The following NLRP13 variants were observed in gnomAD, a reference collection of about 807,000 sequenced individuals.
The protein encoded by NLRP13 is NLR family pyrin domain containing 13, also known as NACHT, LRR and PYD domains-containing protein 13.
A neutral mutation model predicts 94.4 loss-of-function variants in NLRP13; 82 were observed. The ratio of observed to expected loss-of-function variants is 0.87; its 90% CI spans 0.73 to 1.04. The LOEUF (loss-of-function observed/expected upper bound fraction) is 1.04. Among genes scored for constraint, NLRP13 ranks in the 50% least tolerant of loss-of-function variants. NLRP13 has a pLI of 0.00. For missense variants in NLRP13, 1,426 were observed against 1,230.8 expected (o/e 1.16, Z -2.37); for synonymous variants, 553 against 464.7 (o/e 1.19, Z -2.45).
intron 4 of NLRP13, among the ~76,000 whole-genome samples, chr19:55,916,120 A>G (rs1986667858): frequency 6.6e-6 from 1 of 152,198 alleles, no homozygotes; most frequent in African/African-American, 2.4e-5. Flanking sequence ...AATACTGTCT[A>G]TAACCAAGGA....
intron 7 of NLRP13, among the ~76,000 whole-genome samples, chr19:55,907,085 A>C (rs1986375538): frequency 6.6e-6 from 1 of 151,998 alleles, no homozygotes; most frequent in Non-Finnish European, 1.5e-5. Context: ...CAACCTCCTG[A>C]GTAGCTGAGA....
At chr19:55,930,874 T>TTTTATATATATATATATATATATA (rs55900335) in intron 1 of NLRP13, among the ~76,000 whole-genome samples, 38 of 70,176 alleles carry the variant, frequency 5.4e-4, no homozygotes, top group African/African-American at 2.7e-3. Context: ...GAATCAGTGA[T>TTTTATATATATATATATATATATA]TATATATATA....
intron 4 of NLRP13, among the ~76,000 whole-genome samples, chr19:55,916,843 A>T (rs1470152560): frequency 1.3e-5 from 2 of 152,176 alleles, no homozygotes; most frequent in Non-Finnish European, 2.9e-5. Flanking sequence ...AGATCCAGGC[A>T]TCCAAATATA....
rs568067621 is a variant in NLRP13, at chr19:55,898,077, C to T, written c.2957+693G>A. Among the ~76,000 whole-genome samples the T allele has an allele frequency of 3.3e-5, 5 of 152,306 alleles. No individual in the cohort carries two copies. In the East Asian group the frequency reaches 9.6e-4, roughly 29 times the overall value. ...CTCCCCTCAACTTCCCAGCACCTGG[C>T]ACCCACCATGGGCAGATTGGGAGAG... On this transcript the variant is annotated intron_variant, in intron 10 of 10. Transcript: ENST00000342929.
At chr19:55,928,105 C>T (rs1445129336) in intron 1 of NLRP13, among the ~76,000 whole-genome samples, 1 of 152,160 alleles carries the variant, frequency 6.6e-6, no homozygotes, top group Non-Finnish European at 1.5e-5. Flanking sequence ...GGATGTGGCC[C>T]AGGGCTTTCT....
intron 4 of NLRP13, among the ~76,000 whole-genome samples, chr19:55,918,343 G>A (rs1454658691): frequency 2.1e-5 from 3 of 144,680 alleles, no homozygotes; most frequent in Non-Finnish European, 3.0e-5. Context: ...CAAGGAAAAA[G>A]AATAAGAACA....
chr19:55,923,652 C>T (rs1056974931), intron 4 of NLRP13, among the ~76,000 whole-genome samples: 11 of 152,186 alleles, frequency 7.2e-5, no homozygotes, highest in African/African-American at 2.7e-4. Flanking sequence ...TATCTGTGGG[C>T]AGCCCAGTCC....
chr19:55,892,326 T>TC (rs1568683191), downstream of NLRP13, among the ~76,000 whole-genome samples: 1 of 152,112 alleles, frequency 6.6e-6, no homozygotes, highest in Admixed American at 6.6e-5. Flanking sequence ...CCTACTCTCC[T>TC]CCTCCTAGTA....
At chr19:55,918,158 C>T (rs1345354856) in intron 4 of NLRP13, among the ~76,000 whole-genome samples, 2 of 150,878 alleles carry the variant, frequency 1.3e-5, no homozygotes, top group Non-Finnish European at 3.0e-5. Context: ...TGCTCCTAAA[C>T]AATCTTTAGG....
Position 55,913,142 on chromosome 19 carries a change from T to C in NLRP13, c.675A>G (p.Arg225=). The change falls in exon 5 of 11, where the codon AGA becomes AGG. Residue 225 remains arginine, a synonymous_variant. Coordinates refer to ENST00000342929, the MANE Select transcript of NLRP13 (RefSeq NM_176810.2). ...LQRLLDPNRT[R]AQAQTIVLVG... is the part of the protein sequence containing the mutation. ...CCAAGACTATCGTCTGGGCCTGGGC[T>C]CTAGTCCTATTAGGATCCAGTAGGC... The C allele has an allele frequency of 6.2e-7, 1 of 1,614,168 alleles. No individual in the cohort carries two copies. The highest frequency in any genetic ancestry group is 8.5e-7 in the Non-Finnish European group (1 of 1,180,030).
intron 6 of NLRP13, among the ~76,000 whole-genome samples, chr19:55,908,760 T>C (rs374110970): frequency 4.6e-5 from 7 of 152,140 alleles, no homozygotes; most frequent in African/African-American, 1.7e-4. Context: ...CACTGGGGCC[T>C]GTTGGAAGGT....
chr19:55,902,277 C>CAT, intron 8 of NLRP13, 72 bp from the exon 9 acceptor site: 2 of 1,291,850 alleles, frequency 1.5e-6, no homozygotes, highest in South Asian at 1.6e-5. Context: ...AACAGAGCCT[C>CAT]AGGGCCCCCT....
In NLRP13 at chr19:55,911,825, A is replaced by G. The variant is rs1324739833; in HGVS notation, c.1992T>C (p.Asn664=). 2 of 1,614,188 alleles carry G rather than the reference A, an allele frequency of 1.2e-6. No homozygotes were observed. The highest frequency in any genetic ancestry group is 3.3e-5 in the Admixed American group (2 of 60,026). Reference sequence around the variant, plus strand: ...CTTGGAGTTCTTCGTCCTCCAAAATATTAAGGTCAACTTCAAAGATACGAC... The same window carrying G: ...CTTGGAGTTCTTCGTCCTCCAAAATGTTAAGGTCAACTTCAAAGATACGAC... ...MLGRIFEVDL[N]ILEDEELQAS... The change falls in exon 5 of 11, where the codon AAT becomes AAC. Residue 664 remains asparagine (N), a synonymous_variant. Coordinates refer to ENST00000342929, the MANE Select transcript of NLRP13 (RefSeq NM_176810.2).
Position 55,912,059 on chromosome 19 carries a change from C to T in NLRP13, c.1758G>A (p.Leu586=), listed in dbSNP as rs781342654. ...TTTTATTTAAAAGACCAAAGAAGAA[C>T]AGAACCACTGGAGTCCAGTAGGCTT... ...DKEAYWTPVV[L]FFFGLLNKNI... Residue 586 remains leucine, a synonymous_variant, in exon 5 of 11, where the codon CTG becomes CTA. Transcript: ENST00000342929. The T allele has an allele frequency of 2.6e-5, 42 of 1,614,070 alleles. No homozygotes were observed. The South Asian group carries it at 4.4e-4, about 17-fold the overall frequency.
chr19:55,922,536 C>A (rs1986857169), intron 4 of NLRP13, among the ~76,000 whole-genome samples: 2 of 152,106 alleles, frequency 1.3e-5, no homozygotes, highest in Non-Finnish European at 2.9e-5. Context: ...CCATGTTGGC[C>A]AGGATGGTCT....
At chr19:55,896,197 G>C in intron 10 of NLRP13, 78 bp from the exon 11 acceptor site, 4 of 1,491,056 alleles carry the variant, frequency 2.7e-6, no homozygotes, top group Non-Finnish European at 3.7e-6. Context: ...CACATCTGCA[G>C]GAAAAAAACT....
chr19:55,904,085 A>C (rs1340907877), intron 8 of NLRP13, among the ~76,000 whole-genome samples: 1 of 151,910 alleles, frequency 6.6e-6, no homozygotes. Context: ...TGTTCCTCCA[A>C]CATGCTGTGC....
chr19:55,927,588 C>G (rs535972851), intron 1 of NLRP13, among the ~76,000 whole-genome samples: 5 of 151,938 alleles, frequency 3.3e-5, no homozygotes, highest in African/African-American at 1.2e-4. Context: ...TGAGGTGACA[C>G]TCTCCCAGCT....
At chr19:55,919,754 A>C (rs1038057820) in intron 4 of NLRP13, among the ~76,000 whole-genome samples, 4 of 152,104 alleles carry the variant, frequency 2.6e-5, no homozygotes. Flanking sequence ...TAAGATGACC[A>C]TATTTTCCAA....
Sources: allele counts gnomAD v4.1 joint callset (sites outside exome capture counted in the v4.1 genomes callset), GRCh38; gene constraint gnomAD v4.1.1; transcripts MANE v1.5; gene names NCBI Gene and HGNC (gene_info 2026-07-23, HGNC 2026-07-21).